The following POLH variants were observed in gnomAD, a reference collection of about 807,000 sequenced individuals.
POLH encodes DNA polymerase eta transcript.
Under a neutral mutation model 73.6 loss-of-function variants are expected in POLH, and 53 were observed. The ratio of observed to expected loss-of-function variants is 0.72; its 90% CI spans 0.58 to 0.91. POLH has a LOEUF of 0.91. Among genes scored for constraint, POLH ranks in the 40% least tolerant of loss-of-function variants. The probability of loss-of-function intolerance (pLI) is 0.00; values close to 1 mark genes in which losing one functional copy is unlikely to be tolerated. For missense variants in POLH, 768 were observed against 865.4 expected (o/e 0.89, Z 1.41); for synonymous variants, 292 against 308.5 (o/e 0.95, Z 0.56).
At chr6:43,576,940 G>A (rs1763412973) in intron 1 of POLH, among the ~76,000 whole-genome samples, 3 of 152,140 alleles carry the variant, frequency 2.0e-5, no homozygotes, top group Admixed American at 6.5e-5. Flanking sequence ...CGGATCACCT[G>A]AGGTCAGGAG....
intron 4 of POLH, among the ~76,000 whole-genome samples, chr6:43,590,054 G>C (rs1019470323): frequency 6.6e-6 from 1 of 151,758 alleles, no homozygotes; most frequent in African/African-American, 2.4e-5. Context: ...AATAGAATTA[G>C]GACAATAAAA....
At chr6:43,587,018 G>A (rs1764898501) in intron 3 of POLH, among the ~76,000 whole-genome samples, 2 of 152,158 alleles carry the variant, frequency 1.3e-5, no homozygotes, top group Non-Finnish European at 2.9e-5. Flanking sequence ...TTCATAGTCT[G>A]AATGCTTTCT....
At chr6:43,582,854 T>C (rs1247912784) in intron 2 of POLH, among the ~76,000 whole-genome samples, 153 bp from the exon 3 acceptor site, 3 of 152,222 alleles carry the variant, frequency 2.0e-5, no homozygotes, top group Non-Finnish European at 2.9e-5. Flanking sequence ...GCCCTATTTT[T>C]GAGATTTCTG....
At position 43,583,078 on chromosome 6, in the gene POLH, A is replaced by C; in HGVS notation, c.209A>C (p.Lys70Thr). The C allele has an allele frequency of 1.2e-6, 2 of 1,613,712 alleles. No individual in the cohort carries two copies. The highest frequency in any genetic ancestry group is 1.7e-6 in the Non-Finnish European group (2 of 1,179,664). The stretch of plus-strand genomic sequence containing the variant: ...AGTATGTGGGCAGATGATGCTAAGA[A>C]GTTATGTCCAGATCTTCTACTGGCA... ...TRSMWADDAK[K>T]LCPDLLLAQV... is the part of the protein sequence containing the mutation. The change falls in exon 3 of 11, where the codon AAG becomes ACG. Residue 70 changes from lysine (K) to threonine (T), a missense_variant. Coordinates refer to ENST00000372236, the MANE Select transcript of POLH (RefSeq NM_006502.3).
intron 10 of POLH, among the ~76,000 whole-genome samples, chr6:43,611,613 G>A (rs910666278): frequency 6.6e-6 from 1 of 152,030 alleles, no homozygotes; most frequent in Non-Finnish European, 1.5e-5. Context: ...ATAATTATGA[G>A]AGAGAGGTAA....
intron 1 of POLH, among the ~76,000 whole-genome samples, chr6:43,578,154 AG>A (rs1456665311): frequency 6.6e-6 from 1 of 152,030 alleles, no homozygotes; most frequent in Admixed American, 6.6e-5. Flanking sequence ...TGGGAGGCCG[AG>A]GTGGGTGGAT....
In POLH at chr6:43,617,481, GGT is replaced by G. The variant is rs1183618154; in HGVS notation, c.*2932_*2933del. ...TCTCTACAAAAAATAACAAAAATTA[GGT>G]GTGTGTGGTGACGCATGCGTGTAAT... On this transcript the variant is annotated 3_prime_UTR_variant, in exon 11 of 11. Transcript: ENST00000372236. 6.6e-6 allele frequency among the ~76,000 whole-genome samples: 1 copy of G among 151,846 alleles called. No homozygotes were observed. Among genetic ancestry groups the G allele is most frequent in the Non-Finnish European group, 1.5e-5 (1 of 67,984 alleles).
Position 43,597,749 on chromosome 6 carries a change from A to C in POLH, c.544A>C (p.Asn182His), listed in dbSNP as rs768147472. The stretch of plus-strand genomic sequence containing the variant: ...ATGGCTCGATTCTCTTCAGATTGAT[A>C]ACCTCACCTCTCCAGACCTGCAGCT... ...FQWLDSLQID[N>H]LTSPDLQLTV... The change falls in exon 5 of 11, where the codon AAC becomes CAC. Residue 182 changes from asparagine (N) to histidine (H), a missense_variant. Transcript: ENST00000372236. 5 of 1,614,114 alleles carry C rather than the reference A, an allele frequency of 3.1e-6. No homozygotes were observed. The highest frequency in any genetic ancestry group is 4.2e-6 in the Non-Finnish European group (5 of 1,179,956).
At chr6:43,577,658 A>G (rs1420687060) in intron 1 of POLH, among the ~76,000 whole-genome samples, 4 of 151,972 alleles carry the variant, frequency 2.6e-5, no homozygotes, top group Non-Finnish European at 5.9e-5. Context: ...CTTTTTTTAG[A>G]ATACAGTTGG....
In POLH at chr6:43,617,592, A is replaced by C. The variant is rs2127826458; in HGVS notation, c.*3035A>C. Among the ~76,000 whole-genome samples, 2 of 149,224 alleles carry C rather than the reference A, an allele frequency of 1.3e-5. No individual in the cohort carries two copies. The highest frequency in any genetic ancestry group is 2.1e-4 in the South Asian group (1 of 4,748). ...TAGTGAGCTGAGATTGTGCCACTGCACTCCAGTCTGGGCAACAGAGTGACA... is the reference window on the plus strand; with the variant it reads ...TAGTGAGCTGAGATTGTGCCACTGCCCTCCAGTCTGGGCAACAGAGTGACA... On this transcript the variant is annotated 3_prime_UTR_variant, in exon 11 of 11. Coordinates refer to ENST00000372236, the MANE Select transcript of POLH (RefSeq NM_006502.3).
Position 43,587,254 on chromosome 6 carries a change from G to A in POLH, c.273-18G>A, listed in dbSNP as rs752791657. Reference sequence around the variant, plus strand: ...GCCTCTGTTTATTGCCTGCATGAATGATCCTTATACTTCTTAGGTACCGGG... The same window carrying A: ...GCCTCTGTTTATTGCCTGCATGAATAATCCTTATACTTCTTAGGTACCGGG... On this transcript the variant is annotated intron_variant, in intron 3 of 10. Coordinates refer to ENST00000372236, the MANE Select transcript of POLH (RefSeq NM_006502.3). The A allele has an allele frequency of 6.3e-7, 1 of 1,596,742 alleles. No individual in the cohort carries two copies. The highest frequency in any genetic ancestry group is 8.6e-7 in the Non-Finnish European group (1 of 1,164,168).
In POLH at chr6:43,619,710, AGAT is replaced by A. The variant is rs1018359827; in HGVS notation, c.*5154_*5156del. Among the ~76,000 whole-genome samples, 1 of 152,236 alleles carries A rather than the reference AGAT, an allele frequency of 6.6e-6. No individual in the cohort carries two copies. The highest frequency in any genetic ancestry group is 1.5e-5 in the Non-Finnish European group (1 of 68,046). On this transcript the variant is annotated 3_prime_UTR_variant, in exon 11 of 11. Transcript: ENST00000372236. ...AAATTTTCTTTACAATACAGGCAAAAGATAAGTAAATTGTGGACAAAGCTTTCA... is the reference window on the plus strand; with the variant it reads ...AAATTTTCTTTACAATACAGGCAAAAAAGTAAATTGTGGACAAAGCTTTCA...
intron 6 of POLH, among the ~76,000 whole-genome samples, chr6:43,602,206 G>A (rs1766811644): frequency 6.6e-6 from 1 of 152,040 alleles, no homozygotes; most frequent in Admixed American, 6.6e-5. Context: ...GGTGTTCAGG[G>A]CTGCTGAATT....
In POLH at chr6:43,618,472, C is replaced by T. The variant is rs549540169; in HGVS notation, c.*3915C>T. 1.3e-5 allele frequency among the ~76,000 whole-genome samples: 2 copies of T among 151,614 alleles called. No homozygotes were observed. Among genetic ancestry groups the T allele is most frequent in the Non-Finnish European group, 2.9e-5 (2 of 67,846 alleles). On this transcript the variant is annotated 3_prime_UTR_variant, in exon 11 of 11. Coordinates refer to ENST00000372236, the MANE Select transcript of POLH (RefSeq NM_006502.3). ...CAGCCTATAGTACTGTATTCTTATTCTCCACTCTTGTGTGTGAAAAGTCAG... is the reference window on the plus strand; with the variant it reads ...CAGCCTATAGTACTGTATTCTTATTTTCCACTCTTGTGTGTGAAAAGTCAG...
At chr6:43,581,994 T>A (rs1023856904) in intron 1 of POLH, among the ~76,000 whole-genome samples, 19 of 152,202 alleles carry the variant, frequency 1.2e-4, no homozygotes, top group Non-Finnish European at 2.1e-4. Flanking sequence ...ATCCAAAAAA[T>A]TTTTTGCACC....
Position 43,597,731 on chromosome 6 carries a change from G to T in POLH, c.526G>T (p.Asp176Tyr), listed in dbSNP as rs773080170. 1 of 1,613,912 alleles carries T rather than the reference G, an allele frequency of 6.2e-7. No individual in the cohort carries two copies. Among genetic ancestry groups the T allele is most frequent in the South Asian group, 1.1e-5 (1 of 91,072 alleles). Reference sequence around the variant, plus strand: ...AAAACAAGGCTTATTTCAATGGCTCGATTCTCTTCAGATTGATAACCTCAC... The same window carrying T: ...AAAACAAGGCTTATTTCAATGGCTCTATTCTCTTCAGATTGATAACCTCAC... ...MRKQGLFQWL[D>Y]SLQIDNLTSP... Residue 176 changes from aspartate to tyrosine, a missense_variant, in exon 5 of 11, where the codon GAT (aspartate) becomes TAT (tyrosine). Physicochemically the swap from Asp to Tyr is radical, Grantham distance 160. Transcript: ENST00000372236.
chr6:43,617,220 T>C lies in POLH; in HGVS notation c.*2663T>C, dbSNP rs1326970905. 6.6e-6 allele frequency among the ~76,000 whole-genome samples: 1 copy of C among 152,152 alleles called. No individual in the cohort carries two copies. Among genetic ancestry groups the C allele is most frequent in the East Asian group, 1.9e-4 (1 of 5,190 alleles). On this transcript the variant is annotated 3_prime_UTR_variant, in exon 11 of 11. Coordinates refer to ENST00000372236, the MANE Select transcript of POLH (RefSeq NM_006502.3). Reference sequence around the variant, plus strand: ...CACTAGATCATCTCTAGAACATTGCTACTCCCAAGTATGATTTGAGGAACA... The same window carrying C: ...CACTAGATCATCTCTAGAACATTGCCACTCCCAAGTATGATTTGAGGAACA...
intron 4 of POLH, among the ~76,000 whole-genome samples, chr6:43,596,147 A>G (rs1766027157): frequency 6.6e-6 from 1 of 152,196 alleles, no homozygotes; most frequent in South Asian, 2.1e-4. Flanking sequence ...ATAAGCCCTA[A>G]AGTATAGATG....
intron 1 of POLH, chr6:43,578,443 G>A (rs747643750): frequency 4.5e-6 from 2 of 446,018 alleles, no homozygotes; most frequent in Non-Finnish European, 9.0e-6. Context: ...TACCAATTAA[G>A]TTAGTATATA....
Sources: allele counts gnomAD v4.1 joint callset (sites outside exome capture counted in the v4.1 genomes callset), GRCh38; gene constraint gnomAD v4.1.1; transcripts MANE v1.5; gene names NCBI Gene and HGNC (gene_info 2026-07-23, HGNC 2026-07-21).